Variants in C3orf52 observed in about 807,000 individuals in gnomAD.
C3orf52 encodes the protein chromosome 3 open reading frame 52.
In C3orf52, 22 loss-of-function variants were observed where a neutral mutation model predicts 24.8. That is an observed-to-expected ratio of 0.89 (90% CI 0.63 to 1.27). The LOEUF (loss-of-function observed/expected upper bound fraction) is 1.27. C3orf52 is among the 50% of genes most tolerant of loss of function. C3orf52 has a pLI of 0.00. For missense variants in C3orf52, 265 were observed against 260.7 expected, an observed-to-expected ratio of 1.02 and a Z score of -0.11; for synonymous variants, 93 against 100.2, an observed-to-expected ratio of 0.93 and a Z score of 0.43.
At chr3:112,105,111 A>C (rs1433088345) in intron 3 of C3orf52, among the ~76,000 whole-genome samples, 1 of 152,194 alleles carries the variant, frequency 6.6e-6, no homozygotes, top group East Asian at 1.9e-4. Context: ...TGAGCTCATC[A>C]CTAGGTAGTG....
chr3:112,103,235 A>C (rs1484938229), intron 3 of C3orf52, among the ~76,000 whole-genome samples: 1 of 152,182 alleles, frequency 6.6e-6, no homozygotes, highest in Non-Finnish European at 1.5e-5. Flanking sequence ...GAAGAGGGAG[A>C]GGAGCAGGAA....
At chr3:112,123,829 T>C (rs1468511755) in intron 4 of C3orf52, 5 of 1,551,928 alleles carry the variant, frequency 3.2e-6, no homozygotes, top group Non-Finnish European at 4.4e-6. Flanking sequence ...GACCTTTACA[T>C]TTCAGTCTCA....
chr3:112,091,859 C>G (rs1014338078), intron 1 of C3orf52, among the ~76,000 whole-genome samples: 72 of 152,076 alleles, frequency 4.7e-4, no homozygotes, highest in Admixed American at 3.3e-4. Context: ...AAAAAATTAG[C>G]CGGGCGTGGT....
chr3:112,132,930 G>T (rs1014588108), downstream of C3orf52: 9 of 643,048 alleles, frequency 1.4e-5, no homozygotes, highest in African/African-American at 1.5e-4. Context: ...ATTTAATGTG[G>T]TATCTGGCAC....
At chr3:112,094,747 T>C (rs1301782890) in intron 2 of C3orf52, among the ~76,000 whole-genome samples, 1 of 152,220 alleles carries the variant, frequency 6.6e-6, no homozygotes, top group Non-Finnish European at 1.5e-5. Flanking sequence ...CATCCTCCAG[T>C]GGACAATCAT....
downstream of C3orf52, chr3:112,120,937 CTTAATA>C (rs2074184267): frequency 6.6e-6 from 1 of 151,798 alleles, no homozygotes. Flanking sequence ...TTTTTTTGTT[CTTAATA>C]TTATTTTTGA....
At chr3:112,128,663 CA>C (rs1269095060) in exon 5 of C3orf52, 4 of 176,490 alleles carry the variant, frequency 2.3e-5, no homozygotes, top group Admixed American at 5.5e-5. Context: ...AATGAATAGC[CA>C]AGGACAGGAC....
downstream of C3orf52, among the ~76,000 whole-genome samples, chr3:112,132,111 TTAGAACAATGCTAGAG>T (rs2074469593): frequency 6.6e-6 from 1 of 152,164 alleles, no homozygotes; most frequent in Admixed American, 6.5e-5. Flanking sequence ...TATATAATTG[TTAGAACAATGCTAGAG>T]TAGAAGATTG....
downstream of C3orf52, chr3:112,130,125 G>T (rs1576170988): frequency 3.4e-6 from 1 of 296,356 alleles, no homozygotes; most frequent in Non-Finnish European, 6.4e-6. Flanking sequence ...GGTGGAGGTT[G>T]AGCACAAAGG....
chr3:112,092,643 C>T lies in C3orf52; in HGVS notation c.139-717C>T, dbSNP rs977492073. On this transcript the variant is annotated intron_variant, in intron 1 of 5. Transcript: ENST00000264848. Reference sequence around the variant, plus strand: ...GGGCTGTTAGGGTTAAGTGAAATGACGCTGGTGCTCAATAAACCATAGCAG... The same window carrying T: ...GGGCTGTTAGGGTTAAGTGAAATGATGCTGGTGCTCAATAAACCATAGCAG... Among the ~76,000 whole-genome samples, 10 of 152,168 alleles carry T rather than the reference C, an allele frequency of 6.6e-5. No individual in the cohort carries two copies. The East Asian group carries it at 1.7e-3, about 26-fold the overall frequency.
downstream of C3orf52, among the ~76,000 whole-genome samples, chr3:112,118,595 A>G (rs182174643): frequency 2.0e-5 from 3 of 152,324 alleles, no homozygotes; most frequent in Non-Finnish European, 4.4e-5. Context: ...AGGACTTTCC[A>G]TAGATTTGAC....
At chr3:112,110,751 A>G (rs1278720281) in intron 4 of C3orf52, among the ~76,000 whole-genome samples, 2 of 152,214 alleles carry the variant, frequency 1.3e-5, no homozygotes, top group Non-Finnish European at 2.9e-5. Context: ...GTTGTATTAT[A>G]TTGAGATTCC....
intron 5 of C3orf52, among the ~76,000 whole-genome samples, chr3:112,116,168 G>A (rs2074131823): frequency 6.6e-6 from 1 of 152,184 alleles, no homozygotes; most frequent in South Asian, 2.1e-4. Context: ...TGGCGAGGCT[G>A]GACTCCTGGT....
At chr3:112,087,296 A>C (rs530028339) in intron 1 of C3orf52, among the ~76,000 whole-genome samples, 1 of 152,256 alleles carries the variant, frequency 6.6e-6, no homozygotes, top group East Asian at 1.9e-4. Flanking sequence ...ATCCCTAAGG[A>C]AGTCCCTGGC....
At position 112,117,076 on chromosome 3, in the gene C3orf52, AGAGG is replaced by A; in HGVS notation, c.*431_*434del. ...ACCTGGGCTACTTTTTCTTTAGTGC[AGAGG>A]TGCACTGTCTTCTTTTAGGTGGGAT... On this transcript the variant is annotated 3_prime_UTR_variant, in exon 6 of 6. Coordinates refer to ENST00000264848, the MANE Select transcript of C3orf52 (RefSeq NM_024616.3). The A allele has an allele frequency of 2.9e-6, 2 of 685,590 alleles. No homozygotes were observed. Among genetic ancestry groups the A allele is most frequent in the Non-Finnish European group, 2.4e-6 (1 of 413,752 alleles). 42.5% of individuals were successfully genotyped at this position (685,590 alleles called of 1,614,324 possible). A position where few individuals can be genotyped will look rare whatever the true frequency, so the allele number is the denominator to read the frequency against.
intron 1 of C3orf52, among the ~76,000 whole-genome samples, chr3:112,089,326 GA>G (rs2073857117): frequency 6.6e-6 from 1 of 152,020 alleles, no homozygotes; most frequent in South Asian, 2.1e-4. Context: ...GGGAGTTCGA[GA>G]CCAGCCTGAC....
chr3:112,095,109 T>C (rs1441930180), intron 2 of C3orf52, among the ~76,000 whole-genome samples: 1 of 152,222 alleles, frequency 6.6e-6, no homozygotes. Flanking sequence ...ATAAGTTTCC[T>C]GGCCAGGCAC....
At chr3:112,097,386 A>G (rs2073935896) in intron 2 of C3orf52, among the ~76,000 whole-genome samples, 1 of 152,194 alleles carries the variant, frequency 6.6e-6, no homozygotes, top group African/African-American at 2.4e-5. Context: ...CCCTCATGTG[A>G]TATCCCCCAA....
chr3:112,111,963 T>C (rs1008551269), intron 4 of C3orf52: 1 of 152,124 alleles, frequency 6.6e-6, no homozygotes, highest in Non-Finnish European at 1.5e-5. Flanking sequence ...GATCGAAGAG[T>C]ATCGGCCTAT....
Sources: allele counts gnomAD v4.1 joint callset (sites outside exome capture counted in the v4.1 genomes callset), GRCh38; gene constraint gnomAD v4.1.1; transcripts MANE v1.5; gene names NCBI Gene and HGNC (gene_info 2026-07-23, HGNC 2026-07-21).